Variants in ZDHHC21 observed in about 807,000 individuals in gnomAD.
ZDHHC21 encodes the protein palmitoyltransferase ZDHHC21.
In ZDHHC21, 15 loss-of-function variants were observed where a neutral mutation model predicts 34.6. That is an observed-to-expected ratio of 0.43 (90% CI 0.29 to 0.67). The LOEUF is 0.67. ZDHHC21 is among the 30% of genes least tolerant of loss of function. The probability of loss-of-function intolerance (pLI) is 0.14; values close to 1 mark genes in which losing one functional copy is unlikely to be tolerated. For missense variants in ZDHHC21, 344 were observed against 327.7 expected, an observed-to-expected ratio of 1.05 and a Z score of -0.38; for synonymous variants, 142 against 101.8, an observed-to-expected ratio of 1.40 and a Z score of -2.38.
chr9:14,600,556 T>C, the ZDHHC21 span, among the ~76,000 whole-genome samples: 2 of 152,288 alleles, frequency 1.3e-5, no homozygotes, highest in East Asian at 3.9e-4. Flanking sequence ...AGAATCAATA[T>C]GGTGAAAATG....
Position 14,648,955 on chromosome 9 carries a change from TG to T in ZDHHC21, c.505-8944del, listed in dbSNP as rs550482578. Among the ~76,000 whole-genome samples the T allele has an allele frequency of 1.9e-3, 282 of 151,990 alleles. 5 individuals are homozygous for T. Among genetic ancestry groups the T allele is most frequent in the African/African-American group, 6.4e-3 (267 of 41,476 alleles). On this transcript the variant is annotated intron_variant, in intron 7 of 9. Coordinates refer to ENST00000380916, the MANE Select transcript of ZDHHC21 (RefSeq NM_178566.6). ...AAAGTAAAAATTTTTTTTTTCTTTG[TG>T]ATCTTCCTCCTACTGAACAGTTTCT...
chr9:14,636,418 ATTAGAT>A (rs1481941437), intron 8 of ZDHHC21, among the ~76,000 whole-genome samples: 7 of 152,206 alleles, frequency 4.6e-5, no homozygotes, highest in Admixed American at 2.0e-4. Context: ...TAAACCAAGT[ATTAGAT>A]TTAAAGGGAA....
chr9:14,597,176 A>T, the ZDHHC21 span, among the ~76,000 whole-genome samples: 1 of 152,002 alleles, frequency 6.6e-6, no homozygotes, highest in Non-Finnish European at 1.5e-5. Context: ...CCGAGACCCA[A>T]GCAACTATAG....
Position 14,612,465 on chromosome 9 carries a change from C to A in ZDHHC21, c.*6501G>T, listed in dbSNP as rs1055353346. On this transcript the variant is annotated 3_prime_UTR_variant, in exon 10 of 10. Coordinates refer to ENST00000380916, the MANE Select transcript of ZDHHC21 (RefSeq NM_178566.6). ...TATACATAGCAGCATTACATTTGGACAATTACATTTCAAAGGTGTTTTAAA... is the reference window on the plus strand; with the variant it reads ...TATACATAGCAGCATTACATTTGGAAAATTACATTTCAAAGGTGTTTTAAA... 4.6e-5 allele frequency: 7 copies of A among 151,886 alleles called. No individual in the cohort carries two copies. Among genetic ancestry groups the A allele is most frequent in the African/African-American group, 1.7e-4 (7 of 41,380 alleles). 9.4% of individuals were successfully genotyped at this position (151,886 alleles called of 1,614,324 possible).
chr9:14,633,756 C>G (rs1827784835), intron 8 of ZDHHC21, among the ~76,000 whole-genome samples: 1 of 152,186 alleles, frequency 6.6e-6, no homozygotes, highest in Admixed American at 6.5e-5. Context: ...GTCAAACCCC[C>G]ACCCACAGCA....
intron 8 of ZDHHC21, among the ~76,000 whole-genome samples, chr9:14,634,919 T>C (rs917146901): frequency 3.9e-5 from 6 of 151,952 alleles, no homozygotes; most frequent in African/African-American, 1.5e-4. Context: ...GAGATAAAGA[T>C]AATACAGAAA....
chr9:14,601,768 T>G, the ZDHHC21 span, among the ~76,000 whole-genome samples: 2 of 152,126 alleles, frequency 1.3e-5, no homozygotes, highest in Non-Finnish European at 2.9e-5. Context: ...AATGATAGAC[T>G]GGATAAAGAA....
chr9:14,589,264 T>C, the ZDHHC21 span: 1 of 152,122 alleles, frequency 6.6e-6, no homozygotes, highest in Non-Finnish European at 1.5e-5. Flanking sequence ...TGAAAAGTAA[T>C]GGAGGCTCCT....
At chr9:14,671,483 A>T (rs1336484456) in intron 5 of ZDHHC21, among the ~76,000 whole-genome samples, 1 of 152,136 alleles carries the variant, frequency 6.6e-6, no homozygotes, top group Non-Finnish European at 1.5e-5. Flanking sequence ...ACCTTTAAAA[A>T]GCAATGTAAG....
chr9:14,634,062 T>G (rs1044525213), intron 8 of ZDHHC21, among the ~76,000 whole-genome samples: 12 of 152,144 alleles, frequency 7.9e-5, no homozygotes, highest in African/African-American at 2.7e-4. Context: ...CCAAGCACAC[T>G]GTCCAGGAGC....
chr9:14,685,297 C>T (rs1393308534), intron 2 of ZDHHC21, among the ~76,000 whole-genome samples: 2 of 151,782 alleles, frequency 1.3e-5, no homozygotes, highest in Admixed American at 6.6e-5. Context: ...TTTTTGCAAT[C>T]TACTCATCTG....
chr9:14,640,115 T>C (rs1019124486), intron 7 of ZDHHC21, 103 bp from the exon 8 acceptor site: 2 of 580,770 alleles, frequency 3.4e-6, no homozygotes, highest in Admixed American at 5.4e-5. Flanking sequence ...TTCCTTATTA[T>C]CTTAAAAGAA....
intron 5 of ZDHHC21, among the ~76,000 whole-genome samples, chr9:14,672,277 A>T (rs572797539): frequency 6.6e-6 from 1 of 152,166 alleles, no homozygotes; most frequent in Non-Finnish European, 1.5e-5. Context: ...TACAGTTTCA[A>T]CTCTCTAGGC....
chr9:14,670,548 CTGTA>C (rs1366110815), intron 5 of ZDHHC21, among the ~76,000 whole-genome samples: 1 of 151,992 alleles, frequency 6.6e-6, no homozygotes, highest in East Asian at 1.9e-4. Flanking sequence ...GTAATAGAGA[CTGTA>C]TGGCCCATAA....
At position 14,619,720 on chromosome 9, in the gene ZDHHC21, GTTA is replaced by G. The variant is rs756803342; in HGVS notation, c.622-41_622-39del. On this transcript the variant is annotated intron_variant, in intron 8 of 9. Transcript: ENST00000380916. ...AAAAATTATATTCAGATGTAAGAAA[GTTA>G]TTAAGTCTTTATTCTGTATCCACTC... 55 of 1,161,910 alleles carry G rather than the reference GTTA, an allele frequency of 4.7e-5. No homozygotes were observed. In the Middle Eastern group the frequency reaches 9.2e-4, roughly 19 times the overall value. The allele number at this position is 1,161,910 out of a possible 1,614,324, so 72.0% of individuals were successfully genotyped here.
chr9:14,623,684 G>C (rs1460323173), intron 8 of ZDHHC21, among the ~76,000 whole-genome samples: 3 of 148,386 alleles, frequency 2.0e-5, no homozygotes, highest in Non-Finnish European at 4.5e-5. Flanking sequence ...AAAAAAATCT[G>C]ATTCTAAAAC....
chr9:14,597,087 T>A, the ZDHHC21 span, among the ~76,000 whole-genome samples: 2 of 151,980 alleles, frequency 1.3e-5, no homozygotes, highest in African/African-American at 2.4e-5. Flanking sequence ...GCCCTGAGAC[T>A]AGTATAGGGA....
At chr9:14,603,805 T>C in the ZDHHC21 span, among the ~76,000 whole-genome samples, 6,672 of 152,244 alleles carry the variant, frequency 0.044, 481 homozygotes, top group African/African-American at 0.15. Flanking sequence ...TCCTGAACTT[T>C]AGAGGGGTCG....
chr9:14,689,926 A>C (rs578255011), intron 2 of ZDHHC21, among the ~76,000 whole-genome samples: 1 of 152,118 alleles, frequency 6.6e-6, no homozygotes, highest in Non-Finnish European at 1.5e-5. Context: ...GTGTGGGGTG[A>C]TACGAATTAA....
Sources: gnomAD v4.1 joint callset for allele counts (sites outside exome capture counted in the v4.1 genomes callset) on GRCh38, gnomAD v4.1.1 for gene constraint, MANE v1.5 for transcripts, NCBI Gene and HGNC (gene_info 2026-07-23, HGNC 2026-07-21) for gene names.